VWA8: variants seen among roughly 807,000 people sequenced by gnomAD.
The protein encoded by VWA8 is von Willebrand factor A domain containing 8, also known as von Willebrand factor A domain-containing protein 8.
Under a neutral mutation model 241.5 loss-of-function variants are expected in VWA8, and 221 were observed. The observed-to-expected ratio is 0.91, with a 90% CI of 0.82 to 1.02. The LOEUF (loss-of-function observed/expected upper bound fraction) is 1.02. VWA8 is among the 50% of genes least tolerant of loss of function. The pLI, the probability that VWA8 is intolerant of heterozygous loss-of-function variation, is 0.00. For missense variants in VWA8, 2,322 were observed against 2,328.7 expected, an observed-to-expected ratio of 1.00 and a Z score of 0.06; for synonymous variants, 852 against 827.1, an observed-to-expected ratio of 1.03 and a Z score of -0.52.
At position 41,675,254 on chromosome 13, in the gene VWA8, T is replaced by C. The variant is rs1350218532; in HGVS notation, c.4370A>G (p.Asp1457Gly). ...ATATCGGAGTTTCTTTGATTGAAGATCAGTGACTTCTATATAACCAGATGT... is the reference window on the plus strand; with the variant it reads ...ATATCGGAGTTTCTTTGATTGAAGACCAGTGACTTCTATATAACCAGATGT... ...PQTSGYIEVT[D>G]LQSKKLRYIP... is the part of the protein sequence containing the mutation. Residue 1457 changes from aspartate to glycine, a missense_variant, in exon 36 of 45, where the codon GAT (aspartate) becomes GGT (glycine). Asp to Gly is a moderately conservative substitution (Grantham distance 94). Transcript: ENST00000379310. 1 of 1,613,244 alleles carries C rather than the reference T, an allele frequency of 6.2e-7. No individual in the cohort carries two copies. Among genetic ancestry groups the C allele is most frequent in the Non-Finnish European group, 8.5e-7 (1 of 1,179,548 alleles).
In VWA8 at chr13:41,883,469, A is replaced by T. The variant is rs1436039001; in HGVS notation, c.998T>A (p.Ile333Asn). The T allele has an allele frequency of 6.2e-7, 1 of 1,613,298 alleles. No homozygotes were observed. The highest frequency in any genetic ancestry group is 8.5e-7 in the Non-Finnish European group (1 of 1,179,560). ...ATAAAGCCACTGGATTGCATGTTTG[A>T]TTGGCATCATAGGAAAGGAATCCTA... ...QILDSFPMMP[I>N]KHAIQWLYPY... The change falls in exon 9 of 45, where the codon ATC becomes AAC. Residue 333 changes from isoleucine (I) to asparagine (N), a missense_variant. By Grantham distance (149) the Ile-to-Asn change is moderately radical. Transcript: ENST00000379310.
chr13:41,583,953 T>G (rs1053118604), intron 42 of VWA8, among the ~76,000 whole-genome samples: 19 of 152,214 alleles, frequency 1.2e-4, no homozygotes, highest in Non-Finnish European at 1.6e-4. Context: ...TGAAGTTTTT[T>G]AGAGAATGTC....
At chr13:41,765,263 T>C (rs764731563) in intron 20 of VWA8, among the ~76,000 whole-genome samples, 17 of 152,110 alleles carry the variant, frequency 1.1e-4, no homozygotes, top group Non-Finnish European at 2.1e-4. Context: ...TGCTCCTTCC[T>C]CTCCAATTCA....
intron 5 of VWA8, among the ~76,000 whole-genome samples, chr13:41,891,084 T>C (rs902502430): frequency 7.9e-5 from 12 of 151,826 alleles, no homozygotes; most frequent in Admixed American, 2.6e-4. Flanking sequence ...ATTAGCCTTT[T>C]ATTAAATAGT....
intron 33 of VWA8, among the ~76,000 whole-genome samples, chr13:41,689,762 T>C (rs2045162997): frequency 6.6e-6 from 1 of 152,110 alleles, no homozygotes; most frequent in Non-Finnish European, 1.5e-5. Flanking sequence ...TAGCTCCCTG[T>C]AGAAAAGATG....
Position 41,771,565 on chromosome 13 carries a change from A to C in VWA8, c.2349+6420T>G, listed in dbSNP as rs937475514. 2.6e-5 allele frequency among the ~76,000 whole-genome samples: 4 copies of C among 152,092 alleles called. 1 individual carries two copies. The highest frequency in any genetic ancestry group is 4.4e-5 in the Non-Finnish European group (3 of 67,986). On this transcript the variant is annotated intron_variant, in intron 20 of 44. Transcript: ENST00000379310. ...TACACAAAAACAGAGACTCACTCTT[A>C]GGGACTTTTTTTTATTATTATTTTT...
intron 20 of VWA8, among the ~76,000 whole-genome samples, chr13:41,773,831 T>C (rs1443627603): frequency 6.6e-6 from 1 of 152,214 alleles, no homozygotes; most frequent in Admixed American, 6.5e-5. Flanking sequence ...CACTTTATTA[T>C]TAGAAATTTA....
chr13:41,858,735 A>G (rs913960465), intron 12 of VWA8, among the ~76,000 whole-genome samples: 6 of 152,190 alleles, frequency 3.9e-5, no homozygotes, highest in Non-Finnish European at 8.8e-5. Flanking sequence ...CAGTATATAC[A>G]TGGTTCTTGA....
In VWA8 at chr13:41,895,831, C is replaced by CTTT. The variant is rs59080554; in HGVS notation, c.484-4247_484-4245dup. Among the ~76,000 whole-genome samples the CTTT allele has an allele frequency of 3.8e-3, 488 of 129,992 alleles. 3 individuals are homozygous for CTTT. The highest frequency in any genetic ancestry group is 8.3e-3 in the Middle Eastern group (2 of 242). The allele number at this position is 129,992 out of a possible 152,430, so 85.3% of individuals were successfully genotyped here. On this transcript the variant is annotated intron_variant, in intron 4 of 44. Coordinates refer to ENST00000379310, the MANE Select transcript of VWA8 (RefSeq NM_015058.2). ...TTCATTTGTTTTACTTGCAAATTTT[C>CTTT]TTTTTTTTTTTTTTTTTTAGTTTTT...
At chr13:41,817,050 C>A (rs965385387) in intron 15 of VWA8, among the ~76,000 whole-genome samples, 1 of 152,116 alleles carries the variant, frequency 6.6e-6, no homozygotes, top group African/African-American at 2.4e-5. Flanking sequence ...CTGAAGGGAG[C>A]CTTTAACTCA....
chr13:41,845,210 A>G (rs917756235), intron 12 of VWA8, among the ~76,000 whole-genome samples: 1 of 152,128 alleles, frequency 6.6e-6, no homozygotes, highest in Non-Finnish European at 1.5e-5. Context: ...CAACATCACT[A>G]ATCATTAGAG....
chr13:41,570,513 TTTAC>T lies in VWA8; in HGVS notation c.5560_5563del (p.Val1854MetfsTer10). 6.2e-7 allele frequency: 1 copy of T among 1,614,200 alleles called. No individual in the cohort carries two copies. Among genetic ancestry groups the T allele is most frequent in the Non-Finnish European group, 8.5e-7 (1 of 1,180,020 alleles). On this transcript the variant is annotated frameshift_variant, in exon 44 of 45. Coordinates refer to ENST00000379310, the MANE Select transcript of VWA8 (RefSeq NM_015058.2). LOFTEE classifies it high-confidence loss of function. ...AGAGCCAATAAAAATGGCAAAAGCA[TTTAC>T]TTGAGGGTCTCTTGTGAGGATTTGA...
intron 14 of VWA8, among the ~76,000 whole-genome samples, chr13:41,823,717 C>T (rs1389899272): frequency 6.6e-6 from 1 of 152,074 alleles, no homozygotes; most frequent in Non-Finnish European, 1.5e-5. Flanking sequence ...AAGAAGACTC[C>T]AACCCTTCTA....
At chr13:41,652,681 C>T (rs2044877005) in intron 37 of VWA8, among the ~76,000 whole-genome samples, 1 of 152,080 alleles carries the variant, frequency 6.6e-6, no homozygotes. Flanking sequence ...AGTGATGGAA[C>T]CAGAAAGAGG....
At chr13:41,713,185 C>G (rs2045328827) in intron 26 of VWA8, among the ~76,000 whole-genome samples, 1 of 152,102 alleles carries the variant, frequency 6.6e-6, no homozygotes, top group Non-Finnish European at 1.5e-5. Flanking sequence ...CAGCACAGGC[C>G]TTTAAAATTT....
At chr13:41,701,139 T>A (rs1034568264) in intron 28 of VWA8, among the ~76,000 whole-genome samples, 1 of 152,234 alleles carries the variant, frequency 6.6e-6, no homozygotes, top group African/African-American at 2.4e-5. Flanking sequence ...TGGGTGTGTT[T>A]AACTTTGTGC....
At chr13:41,863,448 TATATATTCAC>T (rs1442447226) in intron 12 of VWA8, among the ~76,000 whole-genome samples, 3 of 108,300 alleles carry the variant, frequency 2.8e-5, no homozygotes, top group East Asian at 2.5e-4. Context: ...TATATATATA[TATATATTCAC>T]ACACACACAC....
intron 10 of VWA8, among the ~76,000 whole-genome samples, chr13:41,866,772 A>G (rs1873333242): frequency 6.6e-6 from 1 of 152,178 alleles, no homozygotes; most frequent in Non-Finnish European, 1.5e-5. Flanking sequence ...TGGAATCTCT[A>G]AAGTCACCAA....
At chr13:41,926,123 T>C (rs1183243925) in intron 2 of VWA8, 4 of 574,658 alleles carry the variant, frequency 7.0e-6, no homozygotes, top group Admixed American at 2.6e-5. Flanking sequence ...AGAAACTGCA[T>C]CAAGGAGACA....
Sources: gnomAD v4.1 joint callset for allele counts (sites outside exome capture counted in the v4.1 genomes callset) on GRCh38, gnomAD v4.1.1 for gene constraint, MANE v1.5 for transcripts, NCBI Gene and HGNC (gene_info 2026-07-23, HGNC 2026-07-21) for gene names.